MEIS1: variants seen among roughly 807,000 people sequenced by gnomAD.
The protein encoded by MEIS1 is homeobox protein Meis1.
MEIS1 carries 5 observed loss-of-function variants against 50.8 expected under a neutral mutation model. The ratio of observed to expected loss-of-function variants is 0.10; its 90% CI spans 0.05 to 0.21. MEIS1 has a LOEUF of 0.21. Ranked by LOEUF, MEIS1 falls within the 10% of genes least tolerant of loss-of-function variation. The pLI, the probability that MEIS1 is intolerant of heterozygous loss-of-function variation, is 1.00. For synonymous variants in MEIS1, 176 were observed against 179.3 expected, an observed-to-expected ratio of 0.98 and a Z score of 0.15; for missense variants, 318 against 517.3, an observed-to-expected ratio of 0.61 and a Z score of 3.74.
intron 12 of MEIS1, chr2:66,569,490 CAA>C (rs1239658337): frequency 1.2e-5 from 2 of 161,774 alleles, no homozygotes; most frequent in African/African-American, 4.8e-5. Flanking sequence ...AGCATGTCCC[CAA>C]AGTGTCATAA....
chr2:66,545,709 A>T (rs1018509067), intron 8 of MEIS1, among the ~76,000 whole-genome samples: 2 of 152,168 alleles, frequency 1.3e-5, no homozygotes, highest in Non-Finnish European at 2.9e-5. Context: ...TTATGTTTTA[A>T]ACCTTAGGGT....
At chr2:66,473,397 A>AAAAAAAAAAAAATATAT in intron 7 of MEIS1, among the ~76,000 whole-genome samples, 3 of 107,612 alleles carry the variant, frequency 2.8e-5, no homozygotes, top group African/African-American at 1.7e-4. Context: ...AAAAAAAAAA[A>AAAAAAAAAAAAATATAT]ATATATATAT....
intron 7 of MEIS1, among the ~76,000 whole-genome samples, chr2:66,484,554 CTTTT>C (rs1474557699): frequency 1.3e-5 from 2 of 151,868 alleles, no homozygotes; most frequent in African/African-American, 2.4e-5. Context: ...TTCTTTCTTT[CTTTT>C]ATTTATTTAT....
intron 8 of MEIS1, among the ~76,000 whole-genome samples, chr2:66,533,981 T>C (rs1674457256): frequency 6.6e-6 from 1 of 152,254 alleles, no homozygotes; most frequent in Non-Finnish European, 1.5e-5. Context: ...TATGTATTTT[T>C]ACATAGATTA....
intron 9 of MEIS1, among the ~76,000 whole-genome samples, chr2:66,553,872 T>G (rs779839349): frequency 6.6e-6 from 1 of 152,234 alleles, no homozygotes; most frequent in Non-Finnish European, 1.5e-5. Context: ...GAGTACACTT[T>G]GAAACACTGT....
Position 66,442,942 on chromosome 2 carries a change from G to A in MEIS1, c.524G>A (p.Ser175Asn), listed in dbSNP as rs560708954. 6.3e-7 allele frequency: 1 copy of A among 1,597,452 alleles called. No individual in the cohort carries two copies. The highest frequency in any genetic ancestry group is 8.5e-7 in the Non-Finnish European group (1 of 1,175,080). Reference sequence around the variant, plus strand: ...GACAATTTCTGCCACCGGTATATTAGCTGTTTGAAAGGGAAAATGCCTATC... The same window carrying A: ...GACAATTTCTGCCACCGGTATATTAACTGTTTGAAAGGGAAAATGCCTATC... ...LCDNFCHRYISCLKGKMPIDL... is the reference protein window; with the variant it reads ...LCDNFCHRYINCLKGKMPIDL... Residue 175 changes from serine to asparagine, a missense_variant, in exon 6 of 13, where the codon AGC becomes AAC. By Grantham distance (46) the Ser-to-Asn change is conservative. This residue lies in a region of MEIS1 where 75 missense variants were observed against 153.7 expected (regional missense o/e 0.49). Coordinates refer to ENST00000272369, the MANE Select transcript of MEIS1 (RefSeq NM_002398.3).
chr2:66,451,113 C>T (rs1173747829), intron 6 of MEIS1, among the ~76,000 whole-genome samples: 1 of 152,074 alleles, frequency 6.6e-6, no homozygotes, highest in African/African-American at 2.4e-5. Context: ...ATATTCCCAA[C>T]CTGTGCTTTA....
At chr2:66,464,765 T>C (rs1672595800) in intron 7 of MEIS1, among the ~76,000 whole-genome samples, 1 of 152,158 alleles carries the variant, frequency 6.6e-6, no homozygotes, top group Non-Finnish European at 1.5e-5. Context: ...TAGGAAGACA[T>C]GGAAAGATAA....
At chr2:66,450,049 A>G (rs933722039) in intron 6 of MEIS1, among the ~76,000 whole-genome samples, 1 of 152,218 alleles carries the variant, frequency 6.6e-6, no homozygotes, top group African/African-American at 2.4e-5. Flanking sequence ...ATTGAAGTTT[A>G]TAATGAAATT....
intron 9 of MEIS1, among the ~76,000 whole-genome samples, chr2:66,565,992 T>C (rs1308543470): frequency 1.3e-5 from 2 of 152,356 alleles, no homozygotes; most frequent in Non-Finnish European, 2.9e-5. Flanking sequence ...AGAATTAATC[T>C]AACCTTCTGC....
intron 8 of MEIS1, among the ~76,000 whole-genome samples, chr2:66,515,831 C>T (rs1673953792): frequency 6.6e-6 from 1 of 152,152 alleles, no homozygotes; most frequent in African/African-American, 2.4e-5. Flanking sequence ...GGAATTCTTA[C>T]ATTTGCCTGA....
intron 7 of MEIS1, among the ~76,000 whole-genome samples, chr2:66,497,024 T>C (rs2103820019): frequency 6.6e-6 from 1 of 152,348 alleles, no homozygotes; most frequent in South Asian, 2.1e-4. Flanking sequence ...GTCTCTTTTT[T>C]CTTTGCCTTC....
chr2:66,540,116 A>C (rs1189852445), intron 8 of MEIS1, among the ~76,000 whole-genome samples: 1 of 152,182 alleles, frequency 6.6e-6, no homozygotes, highest in African/African-American at 2.4e-5. Context: ...CAGCTTCTTC[A>C]TCTGTGAAAA....
chr2:66,456,596 T>C (rs925283517), intron 6 of MEIS1, among the ~76,000 whole-genome samples: 1 of 152,216 alleles, frequency 6.6e-6, no homozygotes, highest in African/African-American at 2.4e-5. Flanking sequence ...TTCAGGCCTC[T>C]ATTAAGTGGA....
chr2:66,455,904 G>A (rs904129348), intron 6 of MEIS1, among the ~76,000 whole-genome samples: 1 of 151,914 alleles, frequency 6.6e-6, no homozygotes, highest in African/African-American at 2.4e-5. Flanking sequence ...TGTGTGTTGC[G>A]GTGTGTGCAT....
intron 7 of MEIS1, among the ~76,000 whole-genome samples, chr2:66,469,786 TG>T (rs1672724228): frequency 1.3e-5 from 2 of 152,114 alleles, no homozygotes; most frequent in African/African-American, 2.4e-5. Flanking sequence ...ATGGACAACT[TG>T]AGAGTGGTTG....
intron 6 of MEIS1, among the ~76,000 whole-genome samples, chr2:66,452,324 T>C (rs1272690836): frequency 6.6e-6 from 1 of 151,946 alleles, no homozygotes; most frequent in Admixed American, 6.6e-5. Flanking sequence ...GTATTATTTA[T>C]TTACATTCTA....
At position 66,435,543 on chromosome 2, in the gene MEIS1, T is replaced by G. The variant is rs1671778472; in HGVS notation, c.-314T>G. On this transcript the variant is annotated 5_prime_UTR_variant, in exon 1 of 13. Transcript: ENST00000272369. Reference sequence around the variant, plus strand: ...TCTGAGGGGCGCTCTTTTTTTTCCTTTTCTTTCTTTCTTTCTTTTTTTTTT... The same window carrying G: ...TCTGAGGGGCGCTCTTTTTTTTCCTGTTCTTTCTTTCTTTCTTTTTTTTTT... 10 of 387,790 alleles carry G rather than the reference T, an allele frequency of 2.6e-5. No homozygotes were observed. The highest frequency in any genetic ancestry group is 1.2e-4 in the South Asian group (1 of 8,586). The allele number at this position is 387,790 out of a possible 1,614,324, so 24.0% of individuals were successfully genotyped here. A position where few individuals can be genotyped will look rare whatever the true frequency, so the allele number is the denominator to read the frequency against.
chr2:66,562,775 A>G (rs1675250075), intron 9 of MEIS1, among the ~76,000 whole-genome samples: 2 of 152,176 alleles, frequency 1.3e-5, no homozygotes, highest in Admixed American at 1.3e-4. Context: ...ATTCTAACTC[A>G]TGATTCTATG....
Sources: gnomAD v4.1 joint callset for allele counts (sites outside exome capture counted in the v4.1 genomes callset) on GRCh38, gnomAD v4.1.1 for gene constraint, gnomAD v4.1.1 regional missense constraint, MANE v1.5 for transcripts, NCBI Gene and HGNC (gene_info 2026-07-23, HGNC 2026-07-21) for gene names.